MYO9A: variants seen among roughly 807,000 people sequenced by gnomAD.
MYO9A encodes the protein unconventional myosin-IXa.
MYO9A carries 103 observed loss-of-function variants against 293.3 expected under a neutral mutation model. The ratio of observed to expected loss-of-function variants is 0.35; its 90% CI spans 0.30 to 0.41. The LOEUF is 0.41. Ranked by LOEUF, MYO9A falls within the 10% of genes least tolerant of loss-of-function variation. The pLI is 1.00. For synonymous variants in MYO9A, 1,001 were observed against 1,035.7 expected (o/e 0.97, Z 0.64); for missense variants, 2,685 against 3,033.0 (o/e 0.89, Z 2.69).
chr15:72,115,779 C>T (rs2080949090), intron 1 of MYO9A, among the ~76,000 whole-genome samples: 1 of 152,150 alleles, frequency 6.6e-6, no homozygotes, highest in Non-Finnish European at 1.5e-5. Flanking sequence ...TAGTTACATC[C>T]TTTCTGTAGG....
In MYO9A at chr15:71,822,607, C is replaced by T. The variant is rs529669494; in HGVS notation, c.*3973G>A. On this transcript the variant is annotated 3_prime_UTR_variant, in exon 42 of 42. Coordinates refer to ENST00000356056, the MANE Select transcript of MYO9A (RefSeq NM_006901.4). ...TAATACAGTTTTTAAAAAAAATTTA[C>T]ACTCAGCATACTTATAAATTACTTA... is the stretch of plus-strand genomic sequence containing the variant. The T allele has an allele frequency of 4.6e-5, 7 of 152,184 alleles. No homozygotes were observed. Among genetic ancestry groups the T allele is most frequent in the Non-Finnish European group, 8.8e-5 (6 of 68,008 alleles). The allele number at this position is 152,184 out of a possible 1,614,324, so 9.4% of individuals were successfully genotyped here.
rs755319189 is a variant in MYO9A at position 71,826,909 on chromosome 15, TAGAC to T, written c.7314_7317del (p.Ser2439ThrfsTer63). 4 of 1,614,012 alleles carry T rather than the reference TAGAC, an allele frequency of 2.5e-6. No homozygotes were observed. In the African/African-American group the frequency reaches 5.3e-5, roughly 22 times the overall value. On this transcript the variant is annotated frameshift_variant, in exon 42 of 42. Coordinates refer to ENST00000356056, the MANE Select transcript of MYO9A (RefSeq NM_006901.4). LOFTEE classifies it high-confidence loss of function. ...CTGGTCCCATGAGATGATGCCGTGT[TAGAC>T]AGACATAAAGAGGAGACCGAAGAGT... is the stretch of plus-strand genomic sequence containing the variant.
intron 6 of MYO9A, among the ~76,000 whole-genome samples, chr15:72,011,171 C>T (rs898838925): frequency 4.6e-5 from 7 of 151,542 alleles, no homozygotes; most frequent in African/African-American, 1.7e-4. Context: ...CTACCATGAC[C>T]GGTTAGTTTT....
chr15:72,009,632 TG>T (rs1488444399), intron 7 of MYO9A, among the ~76,000 whole-genome samples: 4 of 152,028 alleles, frequency 2.6e-5, no homozygotes, highest in African/African-American at 9.7e-5. Context: ...GAGGATCATC[TG>T]AGCCTGGGGA....
chr15:71,827,182 A>G, intron 41 of MYO9A, 139 bp from the exon 42 acceptor site: 1 of 619,890 alleles, frequency 1.6e-6, no homozygotes, highest in Admixed American at 3.4e-5. Context: ...TACTATGGGC[A>G]CAGTCACAGT....
Position 71,827,102 on chromosome 15 carries a change from T to C in MYO9A, c.7184-59A>G, listed in dbSNP as rs547741160. 2.4e-6 allele frequency: 3 copies of C among 1,264,220 alleles called. No homozygotes were observed. The South Asian group carries it at 4.4e-5, about 18-fold the overall frequency. 78.3% of individuals were successfully genotyped at this position (1,264,220 alleles called of 1,614,324 possible). A position where few individuals can be genotyped will look rare whatever the true frequency, so the allele number is the denominator to read the frequency against. On this transcript the variant is annotated intron_variant, in intron 41 of 41. Transcript: ENST00000356056. Reference sequence around the variant, plus strand: ...CAGTGCCCTCTAAAGCAAATCATCATATAATGAATAGATGCCACTGTTCAC... The same window carrying C: ...CAGTGCCCTCTAAAGCAAATCATCACATAATGAATAGATGCCACTGTTCAC...
intron 15 of MYO9A, among the ~76,000 whole-genome samples, chr15:71,942,673 T>A (rs1209413649): frequency 6.6e-6 from 1 of 152,046 alleles, no homozygotes; most frequent in African/African-American, 2.4e-5. Context: ...AAACTAATAA[T>A]CTGTTCTCTT....
At chr15:71,992,059 C>G (rs537439732) in intron 10 of MYO9A, among the ~76,000 whole-genome samples, 42 of 151,604 alleles carry the variant, frequency 2.8e-4, no homozygotes, top group Non-Finnish European at 4.3e-4. Flanking sequence ...CCGGCCAGAA[C>G]ATACGGTTTC....
intron 15 of MYO9A, among the ~76,000 whole-genome samples, chr15:71,947,053 G>A (rs2058933999): frequency 6.6e-6 from 1 of 152,112 alleles, no homozygotes; most frequent in Admixed American, 6.5e-5. Context: ...GGAGGTCAAG[G>A]CTGCAATAAG....
In MYO9A at chr15:71,897,602, C is replaced by T. The variant is rs2057366690; in HGVS notation, c.4901G>A (p.Cys1634Tyr). The stretch of plus-strand genomic sequence containing the variant: ...TGAAATGCGATTATTTGAGAGTTTA[C>T]AGGCTACATTCAGCTGGGTGCCCAT... ...DRMGTQLNVA[C>Y]KLSNNRISKR... The change falls in exon 25 of 42, where the codon TGT becomes TAT. Residue 1634 changes from cysteine (C) to tyrosine (Y), a missense_variant. Cys to Tyr is a radical substitution (Grantham distance 194). Around this residue, in one of 10 missense-constraint regions of MYO9A, gnomAD observed 1,434 missense variants for 1,497.7 expected, o/e 0.96. Transcript: ENST00000356056. 2 of 1,614,146 alleles carry T rather than the reference C, an allele frequency of 1.2e-6. No individual in the cohort carries two copies. The highest frequency in any genetic ancestry group is 2.2e-5 in the East Asian group (1 of 44,886).
At position 71,936,211 on chromosome 15, in the gene MYO9A, G is replaced by C. The variant is rs188586782; in HGVS notation, c.2379-727C>G. Among the ~76,000 whole-genome samples the C allele has an allele frequency of 2.1e-3, 322 of 152,140 alleles. 4 individuals carry two copies. Among genetic ancestry groups the C allele is most frequent in the Non-Finnish European group, 2.9e-3 (196 of 67,984 alleles). On this transcript the variant is annotated intron_variant, in intron 16 of 41. Transcript: ENST00000356056. ...ACATTATGTTAACTGAAATAAGCCA[G>C]ACACAGAAAGACAAATACTGCATGA...
chr15:71,911,980 T>A (rs1251523108), intron 19 of MYO9A, among the ~76,000 whole-genome samples: 1 of 152,218 alleles, frequency 6.6e-6, no homozygotes, highest in Non-Finnish European at 1.5e-5. Flanking sequence ...TCCTTTTTTT[T>A]ATTGAGTATA....
At chr15:72,041,110 T>C (rs907703547) in intron 2 of MYO9A, 3 of 558,552 alleles carry the variant, frequency 5.4e-6, no homozygotes, top group African/African-American at 1.9e-5. Flanking sequence ...CCAGGTGTGG[T>C]GGTACATGCC....
rs542686919 is a variant in MYO9A at position 71,904,514 on chromosome 15, G to T, written c.2766+412C>A. On this transcript the variant is annotated intron_variant, in intron 20 of 41. Coordinates refer to ENST00000356056, the MANE Select transcript of MYO9A (RefSeq NM_006901.4). ...CTAAAAATACAAAAATTAGCCGGGC[G>T]TGGTGGTGCACACCTGTAGTCCCAG... is the stretch of plus-strand genomic sequence containing the variant. 3.9e-5 allele frequency among the ~76,000 whole-genome samples: 6 copies of T among 152,256 alleles called. No homozygotes were observed. In the South Asian group the frequency reaches 1.2e-3, roughly 32 times the overall value.
intron 13 of MYO9A, among the ~76,000 whole-genome samples, chr15:71,965,077 C>A (rs1212223758): frequency 6.6e-6 from 1 of 151,766 alleles, no homozygotes; most frequent in African/African-American, 2.4e-5. Context: ...TTCTGATAGG[C>A]TGGATTTCAT....
At chr15:71,913,010 G>T (rs1567264171) in intron 19 of MYO9A, among the ~76,000 whole-genome samples, 2 of 143,288 alleles carry the variant, frequency 1.4e-5, no homozygotes, top group Non-Finnish European at 1.5e-5. Context: ...GATCTCCGTA[G>T]TTTTTTTTTT....
At chr15:72,097,910 A>C (rs1173642503) in intron 1 of MYO9A, among the ~76,000 whole-genome samples, 1 of 152,128 alleles carries the variant, frequency 6.6e-6, no homozygotes, top group Non-Finnish European at 1.5e-5. Flanking sequence ...CTCCATCTCA[A>C]AAATAAATAA....
chr15:71,826,561 G>C lies in MYO9A; in HGVS notation c.*19C>G. On this transcript the variant is annotated 3_prime_UTR_variant, in exon 42 of 42. Coordinates refer to ENST00000356056, the MANE Select transcript of MYO9A (RefSeq NM_006901.4). ...TTGTTTACCACTCTGTAGCCACGGA[G>C]GGACACACATCTGCCGGTTCAGACC... 1 of 1,557,118 alleles carries C rather than the reference G, an allele frequency of 6.4e-7. No homozygotes were observed. The highest frequency in any genetic ancestry group is 2.0e-5 in the Admixed American group (1 of 49,682).
intron 32 of MYO9A, among the ~76,000 whole-genome samples, chr15:71,868,830 T>TA (rs992795587): frequency 1.3e-5 from 2 of 152,022 alleles, no homozygotes; most frequent in East Asian, 1.9e-4. Context: ...ATATATATTT[T>TA]AAAAAAAAGT....
Sources: allele counts gnomAD v4.1 joint callset (sites outside exome capture counted in the v4.1 genomes callset), GRCh38; gene constraint gnomAD v4.1.1; regional missense constraint gnomAD v4.1.1; transcripts MANE v1.5; gene names NCBI Gene and HGNC (gene_info 2026-07-23, HGNC 2026-07-21).